The following FAM156A variants were observed in gnomAD, a reference collection of about 807,000 sequenced individuals.
FAM156A encodes protein FAM156A/FAM156B.
chrX:52,978,878 G>A (rs1461206370), intron 1 of FAM156A, among the ~76,000 whole-genome samples: 2 of 112,021 alleles, frequency 1.8e-5, no homozygotes, highest in East Asian at 5.6e-4. Flanking sequence ...TGGGAAAGGA[G>A]ACTATTCTCC....
Position 52,986,176 on chromosome X carries a change from G to C in FAM156A, c.-434+9130C>G, listed in dbSNP as rs1177209827. On this transcript the variant is annotated intron_variant, in intron 1 of 4. Transcript: ENST00000610625. The stretch of plus-strand genomic sequence containing the variant: ...GGGTCAAATGGTATTTCTAGTTCTA[G>C]ATCCCTGAGGAATCGCCACACTGAC... Among the ~76,000 whole-genome samples the C allele has an allele frequency of 2.0e-4, 22 of 108,099 alleles. No individual in the cohort carries two copies. In the Admixed American group the frequency reaches 2.2e-3, roughly 11 times the overall value. The allele number at this position is 108,099 out of a possible 115,157, so 93.9% of individuals were successfully genotyped here. A position where few individuals can be genotyped will look rare whatever the true frequency, so the allele number is the denominator to read the frequency against.
intron 1 of FAM156A, among the ~76,000 whole-genome samples, chrX:52,981,908 G>C (rs890217873): frequency 1.1e-4 from 12 of 109,707 alleles, no homozygotes; most frequent in Non-Finnish European, 2.3e-4. Context: ...TCTCTGGCTT[G>C]ACTCTTTCCA....
intron 1 of FAM156A, among the ~76,000 whole-genome samples, chrX:52,981,712 C>A (rs1171152538): frequency 3.6e-5 from 4 of 111,849 alleles, no homozygotes; most frequent in Non-Finnish European, 7.5e-5. Context: ...TGCTCAGGAG[C>A]TGGGTTGCCC....
At chrX:52,990,219 C>T (rs899419080) in intron 1 of FAM156A, among the ~76,000 whole-genome samples, 3 of 111,423 alleles carry the variant, frequency 2.7e-5, no homozygotes, top group African/African-American at 9.8e-5. Context: ...AGATGAGATG[C>T]CCCCTGCTGG....
At chrX:52,991,701 C>G (rs5991826) in intron 1 of FAM156A, among the ~76,000 whole-genome samples, 1,564 of 110,361 alleles carry the variant, frequency 0.014, no homozygotes, top group Middle Eastern at 0.057. Context: ...GGGACAATGA[C>G]AGTTACCATC....
intron 1 of FAM156A, among the ~76,000 whole-genome samples, chrX:52,990,248 C>T (rs1930598860): frequency 8.9e-6 from 1 of 111,873 alleles, no homozygotes; most frequent in African/African-American, 3.3e-5. Flanking sequence ...GATATCACTG[C>T]AACGTGGCTG....
intron 1 of FAM156A, among the ~76,000 whole-genome samples, chrX:52,989,489 T>C (rs1368863165): frequency 8.9e-6 from 1 of 112,210 alleles, no homozygotes; most frequent in Non-Finnish European, 1.9e-5. Context: ...GGTATAATGA[T>C]GCTCACTGCG....
intron 1 of FAM156A, among the ~76,000 whole-genome samples, chrX:52,991,568 C>A (rs1269791611): frequency 9.0e-6 from 1 of 111,254 alleles, no homozygotes; most frequent in Non-Finnish European, 1.9e-5. Flanking sequence ...CTAACCATCA[C>A]AATAGTGATA....
At chrX:52,975,390 G>A (rs1342273806) in intron 1 of FAM156A, among the ~76,000 whole-genome samples, 1 of 111,751 alleles carries the variant, frequency 8.9e-6, no homozygotes, top group Non-Finnish European at 1.9e-5. Context: ...CTCAGGCCAG[G>A]GCAGCTTCTC....
At chrX:52,978,526 G>A (rs1269418930) in intron 1 of FAM156A, among the ~76,000 whole-genome samples, 2 of 112,452 alleles carry the variant, frequency 1.8e-5, no homozygotes, top group Non-Finnish European at 3.8e-5. Context: ...CCAGCAGTGA[G>A]TGCTGGAACC....
rs782328012 is a variant in FAM156A at position 52,986,252 on chromosome X, A to T, written c.-434+9054T>A. 2.8e-5 allele frequency among the ~76,000 whole-genome samples: 3 copies of T among 108,307 alleles called. No homozygotes were observed. The South Asian group carries it at 1.1e-3, about 41-fold the overall frequency. The allele number at this position is 108,307 out of a possible 115,157, so 94.1% of individuals were successfully genotyped here. A position where few individuals can be genotyped will look rare whatever the true frequency, so the allele number is the denominator to read the frequency against. The stretch of plus-strand genomic sequence containing the variant: ...AATAAAATTAAAAAAATAAAATAAA[A>T]AAATAAAATCACTGCAGAAAAAAAA... On this transcript the variant is annotated intron_variant, in intron 1 of 4. Transcript: ENST00000610625.
At chrX:52,976,739 A>G (rs1427206991) in intron 1 of FAM156A, among the ~76,000 whole-genome samples, 1 of 111,659 alleles carries the variant, frequency 9.0e-6, no homozygotes, top group Non-Finnish European at 1.9e-5. Flanking sequence ...CCATGGTAGC[A>G]AACACATACA....
intron 1 of FAM156A, among the ~76,000 whole-genome samples, chrX:52,977,939 T>C (rs781961096): frequency 2.7e-5 from 3 of 112,268 alleles, no homozygotes; most frequent in African/African-American, 9.7e-5. Flanking sequence ...GATAATAATT[T>C]TTGACCTTTA....
intron 1 of FAM156A, among the ~76,000 whole-genome samples, chrX:52,982,506 C>T (rs1209795112): frequency 9.0e-6 from 1 of 110,948 alleles, no homozygotes; most frequent in Non-Finnish European, 1.9e-5. Context: ...ATGTAAGTAA[C>T]GATATATTAA....
chrX:52,988,636 G>A (rs1287164688), intron 1 of FAM156A, among the ~76,000 whole-genome samples: 2 of 112,394 alleles, frequency 1.8e-5, no homozygotes, highest in Non-Finnish European at 3.8e-5. Context: ...CTTGCTTTCT[G>A]TAAAACTGTT....
chrX:52,990,931 C>A (rs1251317513), intron 1 of FAM156A, among the ~76,000 whole-genome samples: 3 of 111,302 alleles, frequency 2.7e-5, no homozygotes, highest in Non-Finnish European at 1.9e-5. Flanking sequence ...GTGCTCGGAG[C>A]TGGGGCTGAT....
chrX:52,975,378 A>G (rs1929384045), intron 1 of FAM156A, among the ~76,000 whole-genome samples: 1 of 111,411 alleles, frequency 9.0e-6, no homozygotes, highest in African/African-American at 3.3e-5. Context: ...TCCCGCACAC[A>G]CCTCAGGCCA....
In FAM156A at chrX:52,985,045, C is replaced by A. The variant is rs782363690; in HGVS notation, c.-434+10261G>T. 2.3e-3 allele frequency among the ~76,000 whole-genome samples: 261 copies of A among 111,095 alleles called. 1 individual carries two copies. The highest frequency in any genetic ancestry group is 4.4e-3 in the Non-Finnish European group (231 of 53,017). On this transcript the variant is annotated intron_variant, in intron 1 of 4. Coordinates refer to the FAM156A transcript ENST00000610625. The stretch of plus-strand genomic sequence containing the variant: ...AGAACTGAATGACACCATTTACCCA[C>A]TGAATTGTATTTACATTTACAGAAC...
intron 1 of FAM156A, among the ~76,000 whole-genome samples, chrX:52,984,151 A>G (rs1427363029): frequency 8.9e-6 from 1 of 111,915 alleles, no homozygotes; most frequent in African/African-American, 3.3e-5. Context: ...ACAAAAAAAA[A>G]AGTGTATGGG....
Sources: gnomAD v4.1 joint callset for allele counts (sites outside exome capture counted in the v4.1 genomes callset) on GRCh38, gnomAD v4.1.1 for gene constraint, MANE v1.5 for transcripts, NCBI Gene and HGNC (gene_info 2026-07-23, HGNC 2026-07-21) for gene names.